The following GRM8 variants were observed in gnomAD, a reference collection of about 807,000 sequenced individuals.
GRM8 encodes the protein glutamate metabotropic receptor 8.
A neutral mutation model predicts 87.2 loss-of-function variants in GRM8; 47 were observed. The observed-to-expected ratio is 0.54, with a 90% CI of 0.43 to 0.69. The LOEUF (loss-of-function observed/expected upper bound fraction) is 0.69, where lower values mean the gene tolerates loss of function less well. GRM8 is among the 30% of genes least tolerant of loss of function. The pLI is 0.00. For missense variants in GRM8, 1,019 were observed against 1,139.2 expected, an observed-to-expected ratio of 0.89 and a Z score of 1.52; for synonymous variants, 396 against 404.5, an observed-to-expected ratio of 0.98 and a Z score of 0.25.
intron 7 of GRM8, among the ~76,000 whole-genome samples, chr7:126,617,790 G>C (rs921696520): frequency 5.3e-5 from 8 of 152,084 alleles, no homozygotes; most frequent in Admixed American, 2.0e-4. Flanking sequence ...GCTTCAAAGA[G>C]AATAAAATAC....
At chr7:126,624,601 C>T (rs1356725418) in intron 7 of GRM8, among the ~76,000 whole-genome samples, 3 of 152,200 alleles carry the variant, frequency 2.0e-5, no homozygotes, top group African/African-American at 7.2e-5. Flanking sequence ...ATTTCTATCA[C>T]ATTCTCCACC....
intron 3 of GRM8, among the ~76,000 whole-genome samples, chr7:126,919,379 G>C (rs765017840): frequency 4.6e-5 from 7 of 152,170 alleles, no homozygotes; most frequent in Non-Finnish European, 8.8e-5. Flanking sequence ...TACGGGAATA[G>C]AACATCATGT....
chr7:126,659,827 T>A (rs964810842), intron 7 of GRM8, among the ~76,000 whole-genome samples: 1 of 152,340 alleles, frequency 6.6e-6, no homozygotes, highest in South Asian at 2.1e-4. Flanking sequence ...ATTTGTGTGC[T>A]AGTAAGACTA....
chr7:126,957,564 G>A (rs1294281765), intron 3 of GRM8, among the ~76,000 whole-genome samples: 4 of 152,208 alleles, frequency 2.6e-5, no homozygotes, highest in Non-Finnish European at 4.4e-5. Flanking sequence ...GCACCGGCTC[G>A]AGTGCAGAGT....
chr7:126,448,033 A>G (rs1010529577), intron 9 of GRM8, among the ~76,000 whole-genome samples: 5 of 152,094 alleles, frequency 3.3e-5, no homozygotes, highest in African/African-American at 1.2e-4. Context: ...TATTTTAAAC[A>G]TTCCTAAGCT....
chr7:126,830,455 A>G (rs1443978436), intron 6 of GRM8, among the ~76,000 whole-genome samples: 1 of 151,906 alleles, frequency 6.6e-6, no homozygotes, highest in African/African-American at 2.4e-5. Flanking sequence ...CATTCATTTC[A>G]TCTTCCATCA....
intron 3 of GRM8, among the ~76,000 whole-genome samples, chr7:126,950,417 ATTGGTACTAGTATATT>A (rs1808009480): frequency 2.6e-5 from 4 of 152,208 alleles, no homozygotes; most frequent in Admixed American, 2.0e-4. Context: ...ATCTGGAAGA[ATTGGTACTAGTATATT>A]AACAGCAACT....
intron 7 of GRM8, among the ~76,000 whole-genome samples, chr7:126,676,457 T>C (rs936019121): frequency 6.6e-6 from 1 of 152,050 alleles, no homozygotes; most frequent in African/African-American, 2.4e-5. Flanking sequence ...AGGAATCACA[T>C]TACCTGACTT....
intron 2 of GRM8, among the ~76,000 whole-genome samples, chr7:127,176,206 GATAAA>G (rs1280967289): frequency 1.3e-5 from 2 of 151,970 alleles, no homozygotes; most frequent in Non-Finnish European, 2.9e-5. Context: ...TAGGAAAGGA[GATAAA>G]ATAAAATCAC....
chr7:126,977,200 A>T (rs952683947), intron 3 of GRM8, among the ~76,000 whole-genome samples: 14 of 152,226 alleles, frequency 9.2e-5, no homozygotes, highest in Admixed American at 4.6e-4. Context: ...AACCTTCAGA[A>T]ATAAGAATTA....
intron 3 of GRM8, 41 bp from the exon 4 acceptor site, chr7:126,904,724 T>C (rs1357677080): frequency 1.9e-6 from 3 of 1,588,786 alleles, no homozygotes; most frequent in African/African-American, 1.3e-5. Context: ...AGAAAGAGCA[T>C]TTATTTAATT....
chr7:127,002,134 T>C (rs888270901), intron 3 of GRM8, among the ~76,000 whole-genome samples: 13 of 151,596 alleles, frequency 8.6e-5, no homozygotes, highest in African/African-American at 3.1e-4. Context: ...CATAAGTGTA[T>C]ACATTTGTCA....
intron 3 of GRM8, among the ~76,000 whole-genome samples, chr7:127,019,672 T>C (rs1413177537): frequency 1.3e-5 from 2 of 152,194 alleles, no homozygotes; most frequent in Admixed American, 1.3e-4. Flanking sequence ...CTCTATAACA[T>C]TGTCCATTGC....
intron 6 of GRM8, among the ~76,000 whole-genome samples, chr7:126,794,147 C>T (rs1821686545): frequency 6.6e-6 from 1 of 151,904 alleles, no homozygotes; most frequent in Non-Finnish European, 1.5e-5. Flanking sequence ...TGCTCTATTA[C>T]TGAAACCACA....
intron 6 of GRM8, among the ~76,000 whole-genome samples, chr7:126,804,472 C>G (rs1022914715): frequency 1.3e-5 from 2 of 152,218 alleles, no homozygotes; most frequent in Admixed American, 1.3e-4. Flanking sequence ...TGCCATTAAC[C>G]TATTGACCGC....
chr7:126,533,278 G>T lies in GRM8; in HGVS notation c.2104C>A (p.Leu702Ile), dbSNP rs762782643. Residue 702 changes from leucine to isoleucine, a missense_variant, in exon 9 of 11, where the codon CTC (leucine) becomes ATC (isoleucine). Coordinates refer to ENST00000339582, the MANE Select transcript of GRM8 (RefSeq NM_000845.3). ...ACTCCAAGGAGCTGGACGGAGATGA[G>T]GCTGAAGGTGATCACCAGCTGAGAT... The part of the protein sequence containing the change: ...PASQLVITFS[L>I]ISVQLLGVFV... 6.2e-7 allele frequency: 1 copy of T among 1,613,718 alleles called. No individual in the cohort carries two copies. The highest frequency in any genetic ancestry group is 2.2e-5 in the East Asian group (1 of 44,822).
intron 9 of GRM8, among the ~76,000 whole-genome samples, chr7:126,500,664 TA>T (rs1224244056): frequency 1.3e-5 from 2 of 152,022 alleles, no homozygotes; most frequent in Non-Finnish European, 2.9e-5. Context: ...GTTTAATATG[TA>T]AAAAATACTC....
Position 127,052,709 on chromosome 7 carries a change from C to T in GRM8, c.727+53787G>A, listed in dbSNP as rs150399545. Reference sequence around the variant, plus strand: ...AGGCATCACCTCTATCTCCTTATCGCTCACCCCAACATTAGATATGATTCA... The same window carrying T: ...AGGCATCACCTCTATCTCCTTATCGTTCACCCCAACATTAGATATGATTCA... On this transcript the variant is annotated intron_variant, in intron 3 of 10. Transcript: ENST00000339582. Among the ~76,000 whole-genome samples the T allele has an allele frequency of 9.8e-5, 15 of 152,312 alleles. No homozygotes were observed. The East Asian group carries it at 2.5e-3, about 26-fold the overall frequency.
chr7:126,676,762 A>G (rs1178567993), intron 7 of GRM8, among the ~76,000 whole-genome samples: 8 of 152,214 alleles, frequency 5.3e-5, no homozygotes, highest in Non-Finnish European at 1.5e-5. Context: ...ACCTGAAACC[A>G]AAAAGCCTCT....
Sources: allele counts gnomAD v4.1 joint callset (sites outside exome capture counted in the v4.1 genomes callset), GRCh38; gene constraint gnomAD v4.1.1; transcripts MANE v1.5; gene names NCBI Gene and HGNC (gene_info 2026-07-23, HGNC 2026-07-21).